The following ATRNL1 variants were observed in gnomAD, a reference collection of about 807,000 sequenced individuals.
ATRNL1 encodes the protein attractin-like protein 1.
ATRNL1 carries 95 observed loss-of-function variants against 182.7 expected under a neutral mutation model. The ratio of observed to expected loss-of-function variants is 0.52; its 90% CI spans 0.44 to 0.62. The LOEUF is 0.62. Ranked by LOEUF, ATRNL1 falls within the 20% of genes least tolerant of loss-of-function variation. The probability of loss-of-function intolerance (pLI) is 0.00; values close to 1 mark genes in which losing one functional copy is unlikely to be tolerated. For missense variants in ATRNL1, 1,471 were observed against 1,679.5 expected (o/e 0.88, Z 2.17); for synonymous variants, 576 against 568.3 (o/e 1.01, Z -0.19).
At chr10:115,820,896 GC>G (rs1481017832) in intron 27 of ATRNL1, among the ~76,000 whole-genome samples, 1 of 152,046 alleles carries the variant, frequency 6.6e-6, no homozygotes, top group East Asian at 1.9e-4. Context: ...AGTGTCTAGG[GC>G]AGGACCTGGT....
chr10:115,102,361 C>T (rs782055992), intron 1 of ATRNL1, among the ~76,000 whole-genome samples: 1 of 152,018 alleles, frequency 6.6e-6, no homozygotes, highest in Non-Finnish European at 1.5e-5. Context: ...TTCCATTGAT[C>T]CATATCTCTA....
intron 18 of ATRNL1, among the ~76,000 whole-genome samples, chr10:115,329,044 CTG>C (rs1226751696): frequency 6.6e-6 from 1 of 151,974 alleles, no homozygotes; most frequent in Non-Finnish European, 1.5e-5. Context: ...AAACCTCCAA[CTG>C]TTTTTGATGT....
chr10:115,106,233 A>G (rs1005357396), intron 1 of ATRNL1, among the ~76,000 whole-genome samples: 5 of 152,166 alleles, frequency 3.3e-5, no homozygotes, highest in Non-Finnish European at 4.4e-5. Flanking sequence ...TCGGACTTGC[A>G]TAGGCCCTGT....
intron 1 of ATRNL1, among the ~76,000 whole-genome samples, chr10:115,112,375 G>T (rs1413789350): frequency 1.3e-5 from 2 of 152,142 alleles, no homozygotes; most frequent in African/African-American, 4.8e-5. Flanking sequence ...TAGCTGACTG[G>T]TCTTTGAAAA....
rs1011080653 is a variant in ATRNL1 at position 115,816,628 on chromosome 10, A to G, written c.3904-31249A>G. ...AGGACACACACAGACACACACACAC[A>G]CACACACACACGTGAAGGAAGAAAA... is the stretch of plus-strand genomic sequence containing the variant. On this transcript the variant is annotated intron_variant, in intron 27 of 28. Transcript: ENST00000355044. 1.3e-4 allele frequency among the ~76,000 whole-genome samples: 20 copies of G among 152,104 alleles called. No individual in the cohort carries two copies. In the East Asian group the frequency reaches 3.1e-3, roughly 24 times the overall value.
chr10:115,128,974 T>G (rs781803734), intron 4 of ATRNL1, among the ~76,000 whole-genome samples: 1 of 152,228 alleles, frequency 6.6e-6, no homozygotes, highest in Non-Finnish European at 1.5e-5. Context: ...TTTCATGAAT[T>G]TAATTTTTTT....
At chr10:115,917,855 A>T (rs1952919245) in intron 28 of ATRNL1, among the ~76,000 whole-genome samples, 1 of 152,222 alleles carries the variant, frequency 6.6e-6, no homozygotes. Context: ...GTAACAAAAT[A>T]AATAGGGGCA....
intron 1 of ATRNL1, among the ~76,000 whole-genome samples, chr10:115,108,760 AT>A (rs1449771398): frequency 1.3e-5 from 2 of 152,148 alleles, no homozygotes; most frequent in Non-Finnish European, 1.5e-5. Context: ...TTGTTAGAAA[AT>A]GATTTGGGGC....
At position 115,759,678 on chromosome 10, in the gene ATRNL1, C is replaced by CTTT. The variant is rs1230731055; in HGVS notation, c.3903+32336_3903+32338dup. The stretch of plus-strand genomic sequence containing the variant: ...TCACTAAATATTTGAGTAAATAAAA[C>CTTT]TTTTTTTTTTTTTTTAAGATGGAAT... On this transcript the variant is annotated intron_variant, in intron 27 of 28. Transcript: ENST00000355044. Among the ~76,000 whole-genome samples, 782 of 138,896 alleles carry CTTT rather than the reference C, an allele frequency of 5.6e-3. 6 individuals are homozygous for CTTT. The highest frequency in any genetic ancestry group is 0.019 in the African/African-American group (723 of 37,886). 91.1% of individuals were successfully genotyped at this position (138,896 alleles called of 152,430 possible).
At chr10:115,634,652 G>A (rs1858743803) in intron 26 of ATRNL1, among the ~76,000 whole-genome samples, 1 of 152,040 alleles carries the variant, frequency 6.6e-6, no homozygotes, top group Non-Finnish European at 1.5e-5. Flanking sequence ...TTTACTGTTT[G>A]AATGTAACTT....
At chr10:115,511,635 G>A (rs576275566) in intron 24 of ATRNL1, among the ~76,000 whole-genome samples, 77 of 151,794 alleles carry the variant, frequency 5.1e-4, no homozygotes, top group African/African-American at 1.7e-3. Flanking sequence ...TTGACATTTT[G>A]TAGTAAATAT....
At chr10:115,162,856 A>C (rs1846859052) in intron 6 of ATRNL1, among the ~76,000 whole-genome samples, 1 of 151,848 alleles carries the variant, frequency 6.6e-6, no homozygotes, top group East Asian at 1.9e-4. Context: ...TGTGAGGATT[A>C]AGGAGTAATT....
At chr10:115,119,996 AAGT>A (rs1554871092) in intron 1 of ATRNL1, among the ~76,000 whole-genome samples, 186 bp from the exon 2 acceptor site, 2 of 152,124 alleles carry the variant, frequency 1.3e-5, no homozygotes, top group Non-Finnish European at 2.9e-5. Flanking sequence ...AATCCAAAAT[AAGT>A]ATCTTTTGAG....
At chr10:115,111,548 G>A (rs79802177) in intron 1 of ATRNL1, among the ~76,000 whole-genome samples, 179 of 152,212 alleles carry the variant, frequency 1.2e-3, no homozygotes, top group African/African-American at 4.0e-3. Context: ...GAAGCAAGGG[G>A]TGGGAGCGGC....
At chr10:115,933,564 A>T (rs782351881) in intron 28 of ATRNL1, among the ~76,000 whole-genome samples, 15 of 152,248 alleles carry the variant, frequency 9.9e-5, no homozygotes, top group Non-Finnish European at 1.8e-4. Flanking sequence ...GAAGAAAGGC[A>T]GCTGCAGTCA....
rs1212250285 is a variant in ATRNL1, at chr10:115,546,850, A to G, written c.3717-2608A>G. Among the ~76,000 whole-genome samples, 5 of 152,202 alleles carry G rather than the reference A, an allele frequency of 3.3e-5. No homozygotes were observed. In the East Asian group the frequency reaches 5.8e-4, roughly 18 times the overall value. Reference sequence around the variant, plus strand: ...GTTGAGAAACACTGTACTTGAGGCAATCCTGCATACAAGAAAACCTGTATA... The same window carrying G: ...GTTGAGAAACACTGTACTTGAGGCAGTCCTGCATACAAGAAAACCTGTATA... On this transcript the variant is annotated intron_variant, in intron 25 of 28. Transcript: ENST00000355044.
At chr10:115,200,364 C>G (rs1210791788) in intron 8 of ATRNL1, among the ~76,000 whole-genome samples, 1 of 131,050 alleles carries the variant, frequency 7.6e-6, no homozygotes, top group African/African-American at 2.9e-5. Context: ...TCTCCTAATG[C>G]TATCCCTCCC....
intron 21 of ATRNL1, among the ~76,000 whole-genome samples, chr10:115,445,632 A>G (rs1258302000): frequency 1.3e-5 from 2 of 151,674 alleles, no homozygotes; most frequent in East Asian, 1.9e-4. Flanking sequence ...CACAAACCAT[A>G]AAAGTCACCA....
At chr10:115,162,504 A>G (rs76113228) in intron 6 of ATRNL1, among the ~76,000 whole-genome samples, 2,350 of 151,990 alleles carry the variant, frequency 0.015, 51 homozygotes, top group African/African-American at 0.053. Context: ...TAGAGTGATA[A>G]CAGAGGAGAG....
Sources: gnomAD v4.1 joint callset for allele counts (sites outside exome capture counted in the v4.1 genomes callset) on GRCh38, gnomAD v4.1.1 for gene constraint, MANE v1.5 for transcripts, NCBI Gene and HGNC (gene_info 2026-07-23, HGNC 2026-07-21) for gene names.